Variants in ARMC9 observed in about 807,000 individuals in gnomAD.
The protein encoded by ARMC9 is armadillo repeat containing 9.
In ARMC9, 94 loss-of-function variants were observed where a neutral mutation model predicts 107.0. The observed-to-expected ratio is 0.88, with a 90% CI of 0.74 to 1.04. The LOEUF is 1.04. ARMC9 is among the 50% of genes least tolerant of loss of function. The pLI is 0.00. For missense variants in ARMC9, 942 were observed against 1,030.1 expected, an observed-to-expected ratio of 0.91 and a Z score of 1.17; for synonymous variants, 380 against 396.9, an observed-to-expected ratio of 0.96 and a Z score of 0.51.
intron 21 of ARMC9, among the ~76,000 whole-genome samples, chr2:231,352,744 G>C (rs2045154933): frequency 6.7e-6 from 1 of 149,222 alleles, no homozygotes; most frequent in African/African-American, 2.6e-5. Flanking sequence ...AAGATAGGTA[G>C]GTAGGTAGGT....
chr2:231,264,940 G>C (rs1022056847), intron 12 of ARMC9, among the ~76,000 whole-genome samples: 1 of 151,898 alleles, frequency 6.6e-6, no homozygotes, highest in Non-Finnish European at 1.5e-5. Context: ...CCCTGTCTCT[G>C]CTAAAAAATT....
Position 231,216,642 on chromosome 2 carries a change from A to G in ARMC9, c.353A>G (p.Lys118Arg). 1.2e-6 allele frequency: 2 copies of G among 1,613,470 alleles called. No individual in the cohort carries two copies. The highest frequency in any genetic ancestry group is 1.7e-6 in the Non-Finnish European group (2 of 1,179,674). ...LLKYSVGRPD[K>R]EELDEKISYF... The stretch of plus-strand genomic sequence containing the variant: ...AAGTGTTTTCCCTTCTTCTAGGACA[A>G]AGAGGAGCTGGATGAAAAGATTTCC... Residue 118 changes from lysine to arginine, a missense_variant, in exon 5 of 25, where the codon AAA (lysine) becomes AGA (arginine). Coordinates refer to ENST00000611582, the MANE Select transcript of ARMC9 (RefSeq NM_001352754.2).
chr2:231,264,585 C>T lies in ARMC9; in HGVS notation c.1119+2187C>T, dbSNP rs941739967. Reference sequence around the variant, plus strand: ...CGATCTCGGCTCACTGCGACCTCCACCTCCTGGGTTCGAGCGATTCTCTTG... The same window carrying T: ...CGATCTCGGCTCACTGCGACCTCCATCTCCTGGGTTCGAGCGATTCTCTTG... On this transcript the variant is annotated intron_variant, in intron 12 of 24. Transcript: ENST00000611582. 3.9e-5 allele frequency among the ~76,000 whole-genome samples: 6 copies of T among 152,160 alleles called. No individual in the cohort carries two copies. The East Asian group carries it at 5.8e-4, about 15-fold the overall frequency.
intron 21 of ARMC9, among the ~76,000 whole-genome samples, chr2:231,354,613 C>T (rs911498951): frequency 2.6e-5 from 4 of 152,134 alleles, no homozygotes; most frequent in Non-Finnish European, 5.9e-5. Context: ...AACTCCTGAC[C>T]TCAAGTGATC....
Position 231,251,270 on chromosome 2 carries a change from G to A in ARMC9, c.880-5316G>A, listed in dbSNP as rs187346358. 6.2e-3 allele frequency among the ~76,000 whole-genome samples: 936 copies of A among 152,064 alleles called. 12 individuals carry two copies. The highest frequency in any genetic ancestry group is 0.02 in the African/African-American group (847 of 41,454). ...CAACCTCCGCCTCCCGGATTCAAGC[G>A]ATTCTCCTGCCTCGGCCTCCCAAGT... is the stretch of plus-strand genomic sequence containing the variant. On this transcript the variant is annotated intron_variant, in intron 9 of 24. Coordinates refer to ENST00000611582, the MANE Select transcript of ARMC9 (RefSeq NM_001352754.2).
chr2:231,305,074 T>G (rs1163804408), intron 19 of ARMC9, among the ~76,000 whole-genome samples: 1 of 152,270 alleles, frequency 6.6e-6, no homozygotes, highest in Admixed American at 6.5e-5. Context: ...GCAGTACTGC[T>G]TTATCTGCCT....
intron 19 of ARMC9, among the ~76,000 whole-genome samples, chr2:231,305,950 T>C (rs1345176909): frequency 6.6e-6 from 1 of 152,248 alleles, no homozygotes; most frequent in Non-Finnish European, 1.5e-5. Flanking sequence ...AAATTCTTTT[T>C]CATTAAACTC....
chr2:231,350,946 CTTTTTTTTTTT>C (rs770225857), intron 21 of ARMC9, among the ~76,000 whole-genome samples: 33 of 50,596 alleles, frequency 6.5e-4, no homozygotes, highest in African/African-American at 2.8e-3. Context: ...AGTGACAATT[CTTTTTTTTTTT>C]TTTTTTTTTT....
chr2:231,318,269 A>G (rs1376602799), intron 19 of ARMC9, among the ~76,000 whole-genome samples: 1 of 152,094 alleles, frequency 6.6e-6, no homozygotes, highest in Non-Finnish European at 1.5e-5. Flanking sequence ...TCTCCCCTCC[A>G]TAATTTAACT....
intron 10 of ARMC9, 67 bp downstream of exon 10, chr2:231,256,687 G>A (rs1351255868): frequency 6.5e-7 from 1 of 1,544,812 alleles, no homozygotes; most frequent in South Asian, 1.1e-5. Flanking sequence ...AATTCAAAGT[G>A]TCTTTAATAA....
In ARMC9 at chr2:231,374,549, A is replaced by T. The variant is rs2046137592; in HGVS notation, c.*3014A>T. On this transcript the variant is annotated 3_prime_UTR_variant, in exon 25 of 25. Transcript: ENST00000611582. ...CCCAAATCAAAAGAGCTAAAAAAAAAATAATAAAATAAAAATAAAAATAAA... is the reference window on the plus strand; with the variant it reads ...CCCAAATCAAAAGAGCTAAAAAAAATATAATAAAATAAAAATAAAAATAAA... 1 of 151,664 alleles carries T rather than the reference A, an allele frequency of 6.6e-6. No homozygotes were observed. 9.4% of individuals were successfully genotyped at this position (151,664 alleles called of 1,614,324 possible).
chr2:231,258,938 T>C (rs2038087905), intron 10 of ARMC9, 53 bp from the exon 11 acceptor site: 1 of 1,490,288 alleles, frequency 6.7e-7, no homozygotes. Flanking sequence ...GGAGGTGTAA[T>C]AAACATGCCC....
chr2:231,219,251 T>G (rs1164303675), intron 5 of ARMC9, among the ~76,000 whole-genome samples: 27 of 152,040 alleles, frequency 1.8e-4, no homozygotes, highest in Non-Finnish European at 8.8e-5. Flanking sequence ...TAGCTACCAG[T>G]ATTTTTGTTC....
rs753432312 is a variant in ARMC9, at chr2:231,276,637, C to T, written c.1336C>T (p.Arg446Cys). 4 of 1,614,088 alleles carry T rather than the reference C, an allele frequency of 2.5e-6. No individual in the cohort carries two copies. Among genetic ancestry groups the T allele is most frequent in the South Asian group, 1.1e-5 (1 of 91,080 alleles). ...LGALQKFSLR[R>C]PLQTAMIQDG... ...TTACCGTAGGCTCTTTCTTCCCAGG[C>T]GCCCGCTGCAGACAGCGATGATTCA... Residue 446 changes from arginine (R) to cysteine (C), a missense_variant and splice_region_variant, in exon 15 of 25, where the codon CGC becomes TGC. Physicochemically the swap from Arg to Cys is radical, Grantham distance 180 (BLOSUM62 -3). Transcript: ENST00000611582.
intron 9 of ARMC9, among the ~76,000 whole-genome samples, chr2:231,248,008 C>T (rs554664629): frequency 2.0e-5 from 3 of 152,336 alleles, no homozygotes; most frequent in South Asian, 2.1e-4. Flanking sequence ...AGACCTTTCT[C>T]GAGCTCCAAA....
intron 20 of ARMC9, among the ~76,000 whole-genome samples, chr2:231,337,102 A>G (rs1187913754): frequency 6.6e-6 from 1 of 151,964 alleles, no homozygotes; most frequent in African/African-American, 2.4e-5. Context: ...CTCTGTTTCC[A>G]AATATTACTT....
At chr2:231,337,836 C>G (rs931451247) in intron 20 of ARMC9, among the ~76,000 whole-genome samples, 32 of 152,082 alleles carry the variant, frequency 2.1e-4, no homozygotes, top group African/African-American at 7.2e-4. Context: ...ATTCTTTTTT[C>G]TAATTACAAA....
chr2:231,262,604 C>G (rs970759521), intron 12 of ARMC9, among the ~76,000 whole-genome samples: 1 of 152,164 alleles, frequency 6.6e-6, no homozygotes, highest in African/African-American at 2.4e-5. Context: ...GATTCATCAT[C>G]TCTGGAGCTC....
intron 19 of ARMC9, 96 bp downstream of exon 19, chr2:231,296,349 A>T: frequency 9.2e-7 from 1 of 1,081,668 alleles, no homozygotes; most frequent in Non-Finnish European, 1.4e-6. Flanking sequence ...GAGATTTTTC[A>T]TTCCTGCTAC....
Sources: allele counts gnomAD v4.1 joint callset (sites outside exome capture counted in the v4.1 genomes callset), GRCh38; gene constraint gnomAD v4.1.1; transcripts MANE v1.5; gene names NCBI Gene and HGNC (gene_info 2026-07-23, HGNC 2026-07-21).